The following MAMSTR variants were observed in gnomAD, a reference collection of about 807,000 sequenced individuals.
MAMSTR encodes MEF2 activating motif and SAP domain containing transcriptional regulator, also known as MEF2-activating motif and SAP domain-containing transcriptional regulator.
A neutral mutation model predicts 42.7 loss-of-function variants in MAMSTR; 41 were observed. That is an observed-to-expected ratio of 0.96 (90% CI 0.75 to 1.25). The LOEUF is 1.25. Among genes scored for constraint, MAMSTR ranks in the 50% most tolerant of loss-of-function variants. MAMSTR has a pLI of 0.00. For synonymous variants in MAMSTR, 265 were observed against 244.1 expected (o/e 1.09, Z -0.80); for missense variants, 567 against 557.6 (o/e 1.02, Z -0.17).
At chr19:48,716,935 A>C in intron 2 of MAMSTR, 192 bp from the exon 3 acceptor site, 1 of 1,195,356 alleles carries the variant, frequency 8.4e-7, no homozygotes, top group Non-Finnish European at 1.0e-6. Flanking sequence ...CTGCCAGCGC[A>C]GCGCCGCGGG....
In MAMSTR at chr19:48,719,126, A is replaced by C. The variant is rs1488755457; in HGVS notation, c.-21-74T>G. On this transcript the variant is annotated intron_variant, in intron 1 of 9. Coordinates refer to ENST00000318083, the MANE Select transcript of MAMSTR (RefSeq NM_001130915.2). This position sits in a 1 kb window ranked among gnomAD's most constrained non-coding sequence, Gnocchi z 4.4. ...AGTGGAGGTCAGGAGGCCGCCCCTG[A>C]GAGTGAATTCAGCAGGGAAAGGGCC... is the stretch of plus-strand genomic sequence containing the variant. 12 of 1,045,844 alleles carry C rather than the reference A, an allele frequency of 1.1e-5. No homozygotes were observed. The highest frequency in any genetic ancestry group is 4.0e-5 in the Admixed American group (2 of 49,958). The allele number at this position is 1,045,844 out of a possible 1,614,324, so 64.8% of individuals were successfully genotyped here.
chr19:48,707,043 C>T, the MAMSTR span, among the ~76,000 whole-genome samples: 1 of 152,016 alleles, frequency 6.6e-6, no homozygotes, highest in African/African-American at 2.4e-5. Flanking sequence ...CTTCAGTGAG[C>T]CACAATCACA....
At chr19:48,707,867 G>GA (rs1555755185), downstream of MAMSTR, among the ~76,000 whole-genome samples, 1 of 105,354 alleles carries the variant, frequency 9.5e-6, no homozygotes, top group African/African-American at 3.9e-5. Context: ...AAGAAAGAAA[G>GA]AAAGAAAGAA....
In MAMSTR at chr19:48,714,371, C is replaced by T. The variant is rs1266489403; in HGVS notation, c.718G>A (p.Gly240Ser). The T allele has an allele frequency of 1.2e-5, 17 of 1,365,884 alleles. No homozygotes were observed. The highest frequency in any genetic ancestry group is 1.6e-5 in the Non-Finnish European group (17 of 1,066,910). 84.6% of individuals were successfully genotyped at this position (1,365,884 alleles called of 1,614,324 possible). A position where few individuals can be genotyped will look rare whatever the true frequency, so the allele number is the denominator to read the frequency against. The change falls in exon 7 of 10, where the codon GGC becomes AGC. Residue 240 changes from glycine to serine, a missense_variant. Physicochemically the swap from Gly to Ser is moderately conservative, Grantham distance 56 (BLOSUM62 0). Coordinates refer to ENST00000318083, the MANE Select transcript of MAMSTR (RefSeq NM_001130915.2). ...PKALAAARRQ[G>S]SVKPSAASHR... is the part of the protein sequence containing the mutation. The stretch of plus-strand genomic sequence containing the variant: ...GCTCATAGCCCCGCCCTCACCGAGC[C>T]CTGACGCCGGGCGGCTGCCAGGGCC...
At chr19:48,712,588 A>AT (rs902950038), downstream of MAMSTR, among the ~76,000 whole-genome samples, 7 of 150,240 alleles carry the variant, frequency 4.7e-5, no homozygotes, top group Non-Finnish European at 8.9e-5. Flanking sequence ...TGCCCAGCTA[A>AT]TTTTTTTTTG....
downstream of MAMSTR, among the ~76,000 whole-genome samples, chr19:48,710,818 A>ACCTCATGATCCACCCGCCTCGG (rs1278263989): frequency 2.0e-5 from 3 of 151,176 alleles, no homozygotes; most frequent in African/African-American, 7.3e-5. Flanking sequence ...CGAACTCCTG[A>ACCTCATGATCCACCCGCCTCGG]CCTCATGATC....
the MAMSTR span, among the ~76,000 whole-genome samples, chr19:48,706,501 G>A: frequency 6.6e-6 from 1 of 151,886 alleles, no homozygotes; most frequent in African/African-American, 2.4e-5. Flanking sequence ...GCTAGGCGTG[G>A]TGGTGCATGC....
rs948096730 is a variant in MAMSTR, at chr19:48,714,507, G to C, written c.582C>G (p.Thr194=). 6.9e-7 allele frequency: 1 copy of C among 1,444,722 alleles called. No homozygotes were observed. The highest frequency in any genetic ancestry group is 1.5e-5 in the African/African-American group (1 of 68,062). 89.5% of individuals were successfully genotyped at this position (1,444,722 alleles called of 1,614,324 possible). A position where few individuals can be genotyped will look rare whatever the true frequency, so the allele number is the denominator to read the frequency against. The change falls in exon 7 of 10, where the codon ACC becomes ACG. Residue 194 remains threonine, a synonymous_variant. Coordinates refer to ENST00000318083, the MANE Select transcript of MAMSTR (RefSeq NM_001130915.2). ...LRLRGLPVSG[T]KSMLLERMRG... is the part of the protein sequence containing the mutation. ...GCATGCGCTCCAGGAGCATAGACTT[G>C]GTCCCCGACACTGGGAGGCCCCGCA...
At chr19:48,716,957 C>T in intron 2 of MAMSTR, 2 of 1,179,866 alleles carry the variant, frequency 1.7e-6, no homozygotes, top group Non-Finnish European at 2.1e-6. Context: ...CAGCGCCATT[C>T]TGGGGCTACG....
At chr19:48,714,734 G>A in intron 6 of MAMSTR, 72 bp downstream of exon 6, 1 of 1,364,236 alleles carries the variant, frequency 7.3e-7, no homozygotes, top group Non-Finnish European at 1.1e-6. Flanking sequence ...AGAGGGCAGA[G>A]GCTGCGGGGT....
At position 48,713,497 on chromosome 19, in the gene MAMSTR, G is replaced by C. The variant is rs889765949; in HGVS notation, c.1018C>G (p.Pro340Ala). 4 of 1,612,678 alleles carry C rather than the reference G, an allele frequency of 2.5e-6. No individual in the cohort carries two copies. Among genetic ancestry groups the C allele is most frequent in the Non-Finnish European group, 3.4e-6 (4 of 1,179,708 alleles). ...GAGAGGCCTTCAGAGTCCGGGGAGGGGGACAGCACGTCGAAGGAGCCAGGG... is the reference window on the plus strand; with the variant it reads ...GAGAGGCCTTCAGAGTCCGGGGAGGCGGACAGCACGTCGAAGGAGCCAGGG... ...DFPGSFDVLS[P>A]SPDSEGLSSV... The change falls in exon 10 of 10, where the codon CCC (proline) becomes GCC (alanine). Residue 340 changes from proline to alanine, a missense_variant. Transcript: ENST00000318083.
In MAMSTR at chr19:48,714,850, G is replaced by T; in HGVS notation, c.484C>A (p.Pro162Thr). The change falls in exon 6 of 10, where the codon CCA (proline) becomes ACA (threonine). Residue 162 changes from proline (P) to threonine (T), a missense_variant. Physicochemically the swap from Pro to Thr is conservative, Grantham distance 38. Coordinates refer to ENST00000318083, the MANE Select transcript of MAMSTR (RefSeq NM_001130915.2). Reference protein sequence around the residue: ...PPGVPSPSPPPHKLELQTLKL... With the variant: ...PPGVPSPSPPTHKLELQTLKL... ...AGGGTCTGAAGTTCCAACTTGTGTG[G>T]GGGGGGCGAGGGGCTAGGGACTCCT... 1 of 1,612,970 alleles carries T rather than the reference G, an allele frequency of 6.2e-7. No individual in the cohort carries two copies. Among genetic ancestry groups the T allele is most frequent in the South Asian group, 1.1e-5 (1 of 91,066 alleles).
downstream of MAMSTR, among the ~76,000 whole-genome samples, chr19:48,708,594 C>A (rs1568464297): frequency 6.6e-6 from 1 of 152,022 alleles, no homozygotes; most frequent in Non-Finnish European, 1.5e-5. Context: ...AGGAGGCAAG[C>A]CTTTCAGTTA....
rs776994986 is a variant in MAMSTR at position 48,713,359 on chromosome 19, C to T, written c.1156G>A (p.Gly386Ser). 3 of 1,609,090 alleles carry T rather than the reference C, an allele frequency of 1.9e-6. No homozygotes were observed. The highest frequency in any genetic ancestry group is 2.5e-6 in the Non-Finnish European group (3 of 1,178,676). ...ATGCTGGGGGGTGGGGGACCAGAACCCAGAGGAGGACCCCCGCTCAGGGCC... is the reference window on the plus strand; with the variant it reads ...ATGCTGGGGGGTGGGGGACCAGAACTCAGAGGAGGACCCCCGCTCAGGGCC... ...LEALSGGPPL[G>S]SGPPPPSIFS... is the part of the protein sequence containing the mutation. Residue 386 changes from glycine to serine, a missense_variant, in exon 10 of 10, where the codon GGT becomes AGT. Physicochemically the swap from Gly to Ser is moderately conservative, Grantham distance 56 (BLOSUM62 0). Coordinates refer to ENST00000318083, the MANE Select transcript of MAMSTR (RefSeq NM_001130915.2).
rs1166423901 is a variant in MAMSTR, at chr19:48,715,617, A to G, written c.240+8T>C. ...TCAGAGGGACCTCTCCCTCCAGTCG[A>G]GACTCACCTTCTTTGGGGACCTCCA... On this transcript the variant is annotated splice_region_variant and intron_variant, in intron 4 of 9. Coordinates refer to ENST00000318083, the MANE Select transcript of MAMSTR (RefSeq NM_001130915.2). 1 of 1,534,298 alleles carries G rather than the reference A, an allele frequency of 6.5e-7. No homozygotes were observed. Among genetic ancestry groups the G allele is most frequent in the Non-Finnish European group, 8.8e-7 (1 of 1,142,572 alleles).
At chr19:48,715,197 T>G (rs572965059) in intron 5 of MAMSTR, 65 bp downstream of exon 5, 203 of 1,425,990 alleles carry the variant, frequency 1.4e-4, no homozygotes, top group Non-Finnish European at 1.9e-4. Context: ...GACTCGAGGT[T>G]TGAGGGAGGA....
Position 48,713,369 on chromosome 19 carries a change from A to C in MAMSTR, c.1146T>G (p.Gly382=), listed in dbSNP as rs554363978. The change falls in exon 10 of 10, where the codon GGT becomes GGG. Residue 382 remains glycine, a synonymous_variant. Coordinates refer to ENST00000318083, the MANE Select transcript of MAMSTR (RefSeq NM_001130915.2). ...GTGGGGGACCAGAACCCAGAGGAGGACCCCCGCTCAGGGCCTCCAGCCAGT... is the reference window on the plus strand; with the variant it reads ...GTGGGGGACCAGAACCCAGAGGAGGCCCCCCGCTCAGGGCCTCCAGCCAGT... The part of the protein sequence containing the change: ...SLDWLEALSG[G]PPLGSGPPPP... The C allele has an allele frequency of 6.8e-6, 11 of 1,608,338 alleles. No homozygotes were observed. The African/African-American group carries it at 1.3e-4, about 20-fold the overall frequency.
downstream of MAMSTR, among the ~76,000 whole-genome samples, chr19:48,712,205 A>G (rs1418580469): frequency 1.3e-5 from 2 of 151,770 alleles, no homozygotes; most frequent in Non-Finnish European, 2.9e-5. Flanking sequence ...TTGTTTGGCT[A>G]TAATAAGCTC....
chr19:48,715,851 C>G (rs2032998339), intron 3 of MAMSTR, 84 bp from the exon 4 acceptor site: 4 of 1,486,768 alleles, frequency 2.7e-6, no homozygotes, highest in South Asian at 1.4e-5. Context: ...AAGCGGGGCT[C>G]CAGGGTGCCG....
Sources: allele counts gnomAD v4.1 joint callset (sites outside exome capture counted in the v4.1 genomes callset), GRCh38; gene constraint gnomAD v4.1.1; non-coding constraint Gnocchi (gnomAD v3.1); transcripts MANE v1.5; gene names NCBI Gene and HGNC (gene_info 2026-07-23, HGNC 2026-07-21).